Variants in SETD9 observed in about 807,000 individuals in gnomAD.
SETD9 encodes the protein SET domain-containing protein 9.
Under a neutral mutation model 36.4 loss-of-function variants are expected in SETD9, and 37 were observed. The observed-to-expected ratio is 1.02, with a 90% confidence interval of 0.78 to 1.34. The LOEUF is 1.34. Among genes scored for constraint, SETD9 ranks in the 40% most tolerant of loss-of-function variants. The pLI is 0.00. For synonymous variants in SETD9, 128 were observed against 132.9 expected (o/e 0.96, Z 0.26); for missense variants, 323 against 353.2 (o/e 0.91, Z 0.69).
rs28377617 is a variant in SETD9, at chr5:56,909,642, A to T, written c.-4A>T. 3.9e-3 allele frequency: 6,327 copies of T among 1,603,170 alleles called. 239 individuals carry two copies. The African/African-American group carries it at 0.077, about 19-fold the overall frequency. On this transcript the variant is annotated 5_prime_UTR_variant, in exon 1 of 6. Transcript: ENST00000285947. ...CGTCCTGGTCACGGCCCCGCGGGGCAGCCATGCCTGGCCGTCTGCTGCGGG... is the reference window on the plus strand; with the variant it reads ...CGTCCTGGTCACGGCCCCGCGGGGCTGCCATGCCTGGCCGTCTGCTGCGGG...
At chr5:56,915,203 A>G (rs577685029) in intron 5 of SETD9, among the ~76,000 whole-genome samples, 1 of 152,266 alleles carries the variant, frequency 6.6e-6, no homozygotes, top group Non-Finnish European at 1.5e-5. Context: ...GCAATACTTC[A>G]TAAGTATCCA....
chr5:56,911,506 C>A lies in SETD9; in HGVS notation c.436C>A (p.Pro146Thr). ...TGTCTTCGTTACTAAAGGATTGGTA[C>A]CAAAAGGCGCAGTCGTATCTATGTA... ...KGVFVTKGLV[P>T]KGAVVSMYPG... The change falls in exon 2 of 6, where the codon CCA (proline) becomes ACA (threonine). Residue 146 changes from proline to threonine, a missense_variant. By Grantham distance (38) the Pro-to-Thr change is conservative. Transcript: ENST00000285947. 1 of 1,586,394 alleles carries A rather than the reference C, an allele frequency of 6.3e-7. No individual in the cohort carries two copies. Among genetic ancestry groups the A allele is most frequent in the Non-Finnish European group, 8.5e-7 (1 of 1,169,602 alleles).
chr5:56,918,987 A>G (rs1749538639), downstream of SETD9, among the ~76,000 whole-genome samples: 1 of 152,216 alleles, frequency 6.6e-6, no homozygotes, highest in African/African-American at 2.4e-5. Context: ...CCATAAATGT[A>G]GTCTGTCAAA....
intron 1 of SETD9, chr5:56,910,050 T>TGCCGGGCCCGCGAG (rs1429177260): frequency 1.5e-6 from 2 of 1,300,342 alleles, no homozygotes; most frequent in African/African-American, 3.1e-5. Flanking sequence ...TCCGCTGCGC[T>TGCCGGGCCCGCGAG]GCCGGGCCCG....
downstream of SETD9, among the ~76,000 whole-genome samples, chr5:56,918,938 G>A (rs921600888): frequency 2.6e-5 from 4 of 152,116 alleles, no homozygotes; most frequent in African/African-American, 9.7e-5. Context: ...TATGACTACG[G>A]TCAAACTATG....
Position 56,913,242 on chromosome 5 carries a change from TG to T in SETD9, c.590+112del, listed in dbSNP as rs1749245150. ...TTTATTTATTTTTTATATAAAGAGA[TG>T]GGGTCTTGCTATGTTGTCCAGGCTG... On this transcript the variant is annotated intron_variant, in intron 3 of 5. Transcript: ENST00000285947. 5 of 1,307,496 alleles carry T rather than the reference TG, an allele frequency of 3.8e-6. No individual in the cohort carries two copies. The South Asian group carries it at 7.5e-5, about 20-fold the overall frequency. 81.0% of individuals were successfully genotyped at this position (1,307,496 alleles called of 1,614,324 possible).
intron 5 of SETD9, among the ~76,000 whole-genome samples, chr5:56,916,317 G>A (rs1579817674): frequency 6.6e-6 from 1 of 151,962 alleles, no homozygotes; most frequent in Non-Finnish European, 1.5e-5. Context: ...GCTTGAACCC[G>A]GGAGGCAGAG....
At chr5:56,923,188 C>T in intron 5 of SETD9, 1 of 1,614,012 alleles carries the variant, frequency 6.2e-7, no homozygotes, top group Non-Finnish European at 8.5e-7. Context: ...AACCATTGGT[C>T]TCGTTGGCAG....
At chr5:56,919,471 CTATCA>C (rs757632191), downstream of SETD9, 14 of 152,228 alleles carry the variant, frequency 9.2e-5, no homozygotes, top group Non-Finnish European at 1.6e-4. Context: ...ACTTCACTAT[CTATCA>C]TATATCTTAT....
In SETD9 at chr5:56,911,363, A is replaced by AT. The variant is rs751873423; in HGVS notation, c.293_294insT (p.Lys98AsnfsTer4). ...CTGGCAGTTGAACATCAAGGGGTGA[A>AT]ACTGCTTGAAAACAGACATCAACAG... On this transcript the variant is annotated frameshift_variant, in exon 2 of 6. Transcript: ENST00000285947. LOFTEE classifies it high-confidence loss of function. 1.4e-5 allele frequency: 22 copies of AT among 1,613,008 alleles called. No homozygotes were observed. The African/African-American group carries it at 2.7e-4, about 20-fold the overall frequency.
downstream of SETD9, chr5:56,917,366 A>C (rs1749481965): frequency 1.0e-6 from 1 of 960,568 alleles, no homozygotes. Context: ...GTCTATGTAT[A>C]ATGTAAAGAT....
chr5:56,910,953 G>A (rs1414453473), intron 1 of SETD9: 1 of 385,852 alleles, frequency 2.6e-6, no homozygotes, highest in Non-Finnish European at 4.6e-6. Context: ...GGTATAGAAT[G>A]GGCCTTTCAT....
chr5:56,923,872 A>T (rs1422866117), intron 5 of SETD9: 1 of 1,614,050 alleles, frequency 6.2e-7, no homozygotes, highest in South Asian at 1.1e-5. Context: ...ACTATATATT[A>T]CAGTTAAAAG....
At chr5:56,910,460 G>A in intron 1 of SETD9, 2 of 1,209,456 alleles carry the variant, frequency 1.7e-6, no homozygotes, top group Non-Finnish European at 2.2e-6. Flanking sequence ...CACCAAAGAG[G>A]CCGACCGGGC....
Position 56,915,870 on chromosome 5 carries a change from G to A in SETD9, c.812+904G>A, listed in dbSNP as rs570045097. Among the ~76,000 whole-genome samples, 4 of 152,212 alleles carry A rather than the reference G, an allele frequency of 2.6e-5. No individual in the cohort carries two copies. In the South Asian group the frequency reaches 6.2e-4, roughly 24 times the overall value. ...TCCCAGCTACTTGGGAAGCTGAGGT[G>A]GGAGGATCCTTGACTTGGGAGGTGT... On this transcript the variant is annotated intron_variant, in intron 5 of 5. Transcript: ENST00000285947.
At chr5:56,919,452 A>C (rs901454727), downstream of SETD9, 6 of 152,146 alleles carry the variant, frequency 3.9e-5, no homozygotes, top group African/African-American at 1.4e-4. Flanking sequence ...GAAAATATTT[A>C]ATCTACCAAC....
At position 56,916,886 on chromosome 5, in the gene SETD9, A is replaced by G. The variant is rs758285042; in HGVS notation, c.884A>G (p.Tyr295Cys). 6.2e-7 allele frequency: 1 copy of G among 1,603,752 alleles called. No individual in the cohort carries two copies. The highest frequency in any genetic ancestry group is 8.5e-7 in the Non-Finnish European group (1 of 1,176,436). Residue 295 changes from tyrosine (Y) to cysteine (C), a missense_variant, in exon 6 of 6, where the codon TAC becomes TGC. Transcript: ENST00000285947. Reference protein sequence around the residue: ...NQGEELFSNYYTIVS With the variant: ...NQGEELFSNYCTIVS ...GGAGAAGAGCTTTTTTCAAACTACT[A>G]CACAATTGTCAGCTAACTCTGTGAA...
chr5:56,924,397 G>T (rs1749856067), intron 5 of SETD9, among the ~76,000 whole-genome samples: 1 of 152,084 alleles, frequency 6.6e-6, no homozygotes, highest in Admixed American at 6.5e-5. Context: ...TACAGTGAGG[G>T]TTCTTAACTT....
In SETD9 at chr5:56,909,636, C is replaced by T. The variant is rs370194604; in HGVS notation, c.-10C>T. On this transcript the variant is annotated 5_prime_UTR_variant, in exon 1 of 6. Transcript: ENST00000285947. The stretch of plus-strand genomic sequence containing the variant: ...CCGCGCCGTCCTGGTCACGGCCCCG[C>T]GGGGCAGCCATGCCTGGCCGTCTGC... 61 of 1,599,714 alleles carry T rather than the reference C, an allele frequency of 3.8e-5. No individual in the cohort carries two copies. The highest frequency in any genetic ancestry group is 4.9e-5 in the Non-Finnish European group (58 of 1,174,580).
Sources: allele counts gnomAD v4.1 joint callset (sites outside exome capture counted in the v4.1 genomes callset), GRCh38; gene constraint gnomAD v4.1.1; transcripts MANE v1.5; gene names NCBI Gene and HGNC (gene_info 2026-07-23, HGNC 2026-07-21).